The following ANKRD62 variants were observed in gnomAD, a reference collection of about 807,000 sequenced individuals.
ANKRD62 encodes the protein ankyrin repeat domain-containing protein 62.
Under a neutral mutation model 98.8 loss-of-function variants are expected in ANKRD62, and 61 were observed. The ratio of observed to expected loss-of-function variants is 0.62; its 90% CI spans 0.50 to 0.76. ANKRD62 has a LOEUF of 0.76. ANKRD62 is among the 30% of genes least tolerant of loss of function. The pLI is 0.00. For missense variants in ANKRD62, 933 were observed against 1,082.9 expected, an observed-to-expected ratio of 0.86 and a Z score of 1.94; for synonymous variants, 341 against 367.9, an observed-to-expected ratio of 0.93 and a Z score of 0.84.
At chr18:12,096,105 T>A in intron 3 of ANKRD62, 91 bp from the exon 4 acceptor site, 2 of 857,792 alleles carry the variant, frequency 2.3e-6, no homozygotes, top group Non-Finnish European at 3.5e-6. Context: ...CTGCTTCATG[T>A]TTAAGTTCAT....
chr18:12,151,362 G>A, the ANKRD62 span, among the ~76,000 whole-genome samples: 3 of 151,758 alleles, frequency 2.0e-5, no homozygotes, highest in South Asian at 2.1e-4. Context: ...CTCCATTGAC[G>A]TTAGATCACT....
chr18:12,135,122 A>G, the ANKRD62 span, among the ~76,000 whole-genome samples: 1 of 150,076 alleles, frequency 6.7e-6, no homozygotes, highest in Non-Finnish European at 1.5e-5. Context: ...TACGTGTGCC[A>G]TGTTGGTGTG....
At chr18:12,110,259 T>A (rs1909511315) in intron 8 of ANKRD62, among the ~76,000 whole-genome samples, 1 of 152,254 alleles carries the variant, frequency 6.6e-6, no homozygotes, top group African/African-American at 2.4e-5. Context: ...TTTTGTGTAT[T>A]TGATGAGTAT....
chr18:12,132,544 G>A (rs1223531215), downstream of ANKRD62, among the ~76,000 whole-genome samples: 5 of 151,962 alleles, frequency 3.3e-5, no homozygotes, highest in Non-Finnish European at 7.4e-5. Flanking sequence ...GGTAAGAGCT[G>A]ACATGCCTTC....
At chr18:12,094,645 T>G (rs867802705) in intron 1 of ANKRD62, among the ~76,000 whole-genome samples, 10 of 5,926 alleles carry the variant, frequency 1.7e-3, no homozygotes, top group Admixed American at 5.2e-3. Context: ...TGGTGGGGGG[T>G]GGGATGGGGT....
intron 6 of ANKRD62, 60 bp downstream of exon 6, chr18:12,099,742 G>A: frequency 9.8e-7 from 1 of 1,017,950 alleles, no homozygotes; most frequent in African/African-American, 1.7e-5. Context: ...AAAGTAAGAG[G>A]AAGGAAGTTT....
the ANKRD62 span, among the ~76,000 whole-genome samples, chr18:12,138,728 T>A: frequency 6.6e-6 from 1 of 152,232 alleles, no homozygotes; most frequent in Non-Finnish European, 1.5e-5. Context: ...ATCTGGGTGC[T>A]CCTGTATTGG....
intron 8 of ANKRD62, among the ~76,000 whole-genome samples, chr18:12,109,950 CAA>C (rs10588166): frequency 0.013 from 1,600 of 124,776 alleles, 18 homozygotes; most frequent in Admixed American, 0.051. Context: ...TCACTGTTAC[CAA>C]AAAAAAAAAA....
At chr18:12,175,872 T>C in the ANKRD62 span, among the ~76,000 whole-genome samples, 1 of 151,968 alleles carries the variant, frequency 6.6e-6, no homozygotes, top group South Asian at 2.1e-4. Context: ...CTTTTCAATC[T>C]CAGGATGCTC....
At chr18:12,146,272 T>G in the ANKRD62 span, among the ~76,000 whole-genome samples, 1 of 152,182 alleles carries the variant, frequency 6.6e-6, no homozygotes, top group Non-Finnish European at 1.5e-5. Flanking sequence ...GCAGACATCT[T>G]AAACCTCACT....
chr18:12,167,933 T>C, the ANKRD62 span, among the ~76,000 whole-genome samples: 2 of 152,372 alleles, frequency 1.3e-5, no homozygotes, highest in East Asian at 1.9e-4. Flanking sequence ...TGTCTTCTTT[T>C]GAGAACTATC....
At chr18:12,152,177 C>CAAAAAAAAAAAAA in the ANKRD62 span, among the ~76,000 whole-genome samples, 1 of 68,256 alleles carries the variant, frequency 1.5e-5, no homozygotes, top group Non-Finnish European at 2.8e-5. Flanking sequence ...GAAATGCTTC[C>CAAAAAAAAAAAAA]AAAAAAAAAA....
At chr18:12,150,992 G>T in the ANKRD62 span, among the ~76,000 whole-genome samples, 1 of 152,170 alleles carries the variant, frequency 6.6e-6, no homozygotes, top group African/African-American at 2.4e-5. Context: ...GCACCGTGTG[G>T]CAAGGTGCAT....
the ANKRD62 span, among the ~76,000 whole-genome samples, chr18:12,169,456 C>G: frequency 6.6e-6 from 1 of 151,962 alleles, no homozygotes; most frequent in Non-Finnish European, 1.5e-5. Context: ...GTATGTTGAA[C>G]CAGCCTTGCA....
chr18:12,140,939 C>G, the ANKRD62 span, among the ~76,000 whole-genome samples: 2 of 152,154 alleles, frequency 1.3e-5, no homozygotes, highest in Non-Finnish European at 2.9e-5. Context: ...TTGTCTGTGC[C>G]CAGCCCCCAG....
the ANKRD62 span, among the ~76,000 whole-genome samples, chr18:12,150,319 T>C: frequency 3.3e-5 from 5 of 152,178 alleles, no homozygotes; most frequent in African/African-American, 1.2e-4. Flanking sequence ...AGAGGCCAAG[T>C]CTATTTATCA....
the ANKRD62 span, among the ~76,000 whole-genome samples, chr18:12,158,421 A>C: frequency 1.3e-5 from 2 of 152,232 alleles, no homozygotes; most frequent in Non-Finnish European, 2.9e-5. Context: ...TTATTATTTT[A>C]AACAATCTCT....
the ANKRD62 span, among the ~76,000 whole-genome samples, chr18:12,138,577 C>G: frequency 6.6e-6 from 1 of 152,144 alleles, no homozygotes; most frequent in Non-Finnish European, 1.5e-5. Flanking sequence ...TGGTGCAGAG[C>G]TGAGTTCAAT....
At chr18:12,155,661 A>G in the ANKRD62 span, among the ~76,000 whole-genome samples, 6 of 152,182 alleles carry the variant, frequency 3.9e-5, no homozygotes, top group South Asian at 1.2e-3. Context: ...CTTAATCTCA[A>G]TGATAATCTC....
Sources: gnomAD v4.1 joint callset for allele counts (sites outside exome capture counted in the v4.1 genomes callset) on GRCh38, gnomAD v4.1.1 for gene constraint, MANE v1.5 for transcripts, NCBI Gene and HGNC (gene_info 2026-07-23, HGNC 2026-07-21) for gene names.